The following TMEM38A variants were observed in gnomAD, a reference collection of about 807,000 sequenced individuals.
TMEM38A encodes transmembrane protein 38A, also known as trimeric intracellular cation channel type A.
Under a neutral mutation model 28.6 loss-of-function variants are expected in TMEM38A, and 17 were observed. The observed-to-expected ratio is 0.60, with a 90% confidence interval of 0.41 to 0.89. The LOEUF (loss-of-function observed/expected upper bound fraction) is 0.89, where lower values mean the gene tolerates loss of function less well. Among genes scored for constraint, TMEM38A ranks in the 40% least tolerant of loss-of-function variants. The probability of loss-of-function intolerance (pLI) is 0.00; values close to 1 mark genes in which losing one functional copy is unlikely to be tolerated. For missense variants in TMEM38A, 328 were observed against 393.1 expected (o/e 0.83, Z 1.40); for synonymous variants, 169 against 166.1 (o/e 1.02, Z -0.14).
Position 16,686,453 on chromosome 19 carries a change from C to T in TMEM38A, c.672+48C>T, listed in dbSNP as rs376207860. The stretch of plus-strand genomic sequence containing the variant: ...CATTCTTGCCTTGACCAATGCCACC[C>T]TGCCACCTCCAGGTTGGGAGTGGGG... On this transcript the variant is annotated intron_variant, in intron 5 of 5. Coordinates refer to ENST00000187762, the MANE Select transcript of TMEM38A (RefSeq NM_024074.4). 2.0e-6 allele frequency: 3 copies of T among 1,485,104 alleles called. No homozygotes were observed. The African/African-American group carries it at 4.1e-5, about 20-fold the overall frequency. The allele number at this position is 1,485,104 out of a possible 1,614,324, so 92.0% of individuals were successfully genotyped here. A position where few individuals can be genotyped will look rare whatever the true frequency, so the allele number is the denominator to read the frequency against.
intron 1 of TMEM38A, 132 bp from the exon 2 acceptor site, chr19:16,679,852 C>T: frequency 3.1e-6 from 3 of 960,326 alleles, no homozygotes; most frequent in Non-Finnish European, 4.4e-6. Flanking sequence ...ACCTTGGTTC[C>T]TCCTCTGAAA....
intron 1 of TMEM38A, among the ~76,000 whole-genome samples, chr19:16,663,396 A>G (rs768521489): frequency 6.6e-6 from 1 of 152,244 alleles, no homozygotes; most frequent in East Asian, 1.9e-4. Flanking sequence ...AAGGTTCAAG[A>G]TATTTCTGCA....
At chr19:16,674,207 A>G (rs112995507) in intron 1 of TMEM38A, among the ~76,000 whole-genome samples, 11 of 151,766 alleles carry the variant, frequency 7.2e-5, no homozygotes, top group African/African-American at 2.7e-4. Flanking sequence ...CAACTTGGAG[A>G]AACCCCCTGT....
At chr19:16,668,314 G>A (rs1396739339) in intron 1 of TMEM38A, among the ~76,000 whole-genome samples, 3 of 151,924 alleles carry the variant, frequency 2.0e-5, no homozygotes, top group Non-Finnish European at 2.9e-5. Context: ...GGACACCAAG[G>A]CAGGCAGATC....
At position 16,680,419 on chromosome 19, in the gene TMEM38A, CT is replaced by C; in HGVS notation, c.305del (p.Leu102ArgfsTer13). ...AVWYLIFFCP[L>X]DLFYKCVCFL... Reference sequence around the variant, plus strand: ...AAGGTACTTGATTTTCTTCTGCCCCCTGGACCTCTTCTACAAGTGTGTCTGC... The same window carrying C: ...AAGGTACTTGATTTTCTTCTGCCCCCGGACCTCTTCTACAAGTGTGTCTGC... On this transcript the variant is annotated frameshift_variant, in exon 3 of 6. Transcript: ENST00000187762. LOFTEE classifies it high-confidence loss of function. 1.2e-6 allele frequency: 2 copies of C among 1,614,170 alleles called. No homozygotes were observed. Among genetic ancestry groups the C allele is most frequent in the Non-Finnish European group, 1.7e-6 (2 of 1,180,028 alleles).
At chr19:16,674,659 C>T (rs763717665) in intron 1 of TMEM38A, among the ~76,000 whole-genome samples, 2 of 151,776 alleles carry the variant, frequency 1.3e-5, no homozygotes. Context: ...ATTAGCCGGG[C>T]GTGGTGGTCC....
intron 1 of TMEM38A, among the ~76,000 whole-genome samples, chr19:16,664,616 A>G (rs1457790329): frequency 1.3e-5 from 2 of 151,956 alleles, no homozygotes; most frequent in Admixed American, 6.6e-5. Flanking sequence ...ATAGCCAGGC[A>G]TGGTGGTGTG....
intron 1 of TMEM38A, among the ~76,000 whole-genome samples, chr19:16,671,689 G>A (rs1050764404): frequency 4.6e-5 from 7 of 151,790 alleles, no homozygotes; most frequent in East Asian, 1.9e-4. Flanking sequence ...CTTGGCCTCC[G>A]AAAGTGCTGG....
intron 1 of TMEM38A, among the ~76,000 whole-genome samples, chr19:16,662,007 C>G (rs2086684115): frequency 6.6e-6 from 1 of 152,126 alleles, no homozygotes; most frequent in Non-Finnish European, 1.5e-5. Context: ...CTCCAGACTC[C>G]ACGCTGGGGA....
chr19:16,667,536 A>G (rs573051663), intron 1 of TMEM38A, among the ~76,000 whole-genome samples: 1 of 152,176 alleles, frequency 6.6e-6, no homozygotes, highest in African/African-American at 2.4e-5. Context: ...ACTCACCTAC[A>G]CACCAGACTC....
intron 1 of TMEM38A, among the ~76,000 whole-genome samples, chr19:16,662,918 A>G (rs977907343): frequency 2.6e-5 from 4 of 152,178 alleles, no homozygotes; most frequent in African/African-American, 9.6e-5. Context: ...ACATGGGGCT[A>G]TCTTTCCTTT....
chr19:16,676,597 G>A (rs916380035), intron 1 of TMEM38A, among the ~76,000 whole-genome samples: 2 of 152,048 alleles, frequency 1.3e-5, no homozygotes, highest in Admixed American at 6.6e-5. Context: ...GGAGACACAA[G>A]TTCTAACTCC....
chr19:16,664,348 C>T (rs886522727), intron 1 of TMEM38A, among the ~76,000 whole-genome samples: 6 of 152,062 alleles, frequency 3.9e-5, no homozygotes, highest in Admixed American at 6.6e-5. Flanking sequence ...ATCCAGGAGA[C>T]GGAGGTTGCA....
chr19:16,668,573 C>T (rs1306805863), intron 1 of TMEM38A, among the ~76,000 whole-genome samples: 1 of 151,492 alleles, frequency 6.6e-6, no homozygotes, highest in African/African-American at 2.4e-5. Flanking sequence ...CTCCTGGGCT[C>T]AGGAGATCCA....
rs1323748640 is a variant in TMEM38A at position 16,688,596 on chromosome 19, T to C, written c.*225T>C. The C allele has an allele frequency of 1.0e-5, 4 of 381,622 alleles. No individual in the cohort carries two copies. Among genetic ancestry groups the C allele is most frequent in the African/African-American group, 2.1e-5 (1 of 48,222 alleles). 23.6% of individuals were successfully genotyped at this position (381,622 alleles called of 1,614,324 possible). A position where few individuals can be genotyped will look rare whatever the true frequency, so the allele number is the denominator to read the frequency against. On this transcript the variant is annotated 3_prime_UTR_variant, in exon 6 of 6. Transcript: ENST00000187762. The stretch of plus-strand genomic sequence containing the variant: ...CCTCTTTCTCTCTGCCAGGACCCCA[T>C]AGAGTCACAGCTTTTGGAGGGGTTC...
rs757975343 is a variant in TMEM38A at position 16,673,671 on chromosome 19, G to T, written c.125-6313G>T. On this transcript the variant is annotated intron_variant, in intron 1 of 5. Transcript: ENST00000187762. ...TTGTAGGAGAAACTCTGGCATTGAT[G>T]ATTATTTCCCCCTGTGAGGTTGACC... Among the ~76,000 whole-genome samples, 71 of 152,294 alleles carry T rather than the reference G, an allele frequency of 4.7e-4. 1 individual carries two copies. The highest frequency in any genetic ancestry group is 1.0e-3 in the South Asian group (5 of 4,830).
chr19:16,682,639 A>G (rs1360885132), intron 4 of TMEM38A, 131 bp downstream of exon 4: 2 of 766,312 alleles, frequency 2.6e-6, no homozygotes, highest in Admixed American at 2.2e-5. Flanking sequence ...TTCAGAGGCT[A>G]TGACTGGGGA....
At chr19:16,665,482 C>A (rs2086699054) in intron 1 of TMEM38A, among the ~76,000 whole-genome samples, 1 of 150,180 alleles carries the variant, frequency 6.7e-6, no homozygotes, top group African/African-American at 2.5e-5. Context: ...AGAGTGAGAC[C>A]CTGTCTCAAA....
At chr19:16,671,223 T>TTTTTTTTTTTTTTTTTGG (rs2086726256) in intron 1 of TMEM38A, among the ~76,000 whole-genome samples, 2 of 122,630 alleles carry the variant, frequency 1.6e-5, no homozygotes, top group Non-Finnish European at 1.7e-5. Flanking sequence ...TTTTTTTTTT[T>TTTTTTTTTTTTTTTTTGG]GAGGCGGAGT....
Sources: gnomAD v4.1 joint callset for allele counts (sites outside exome capture counted in the v4.1 genomes callset) on GRCh38, gnomAD v4.1.1 for gene constraint, MANE v1.5 for transcripts, NCBI Gene and HGNC (gene_info 2026-07-23, HGNC 2026-07-21) for gene names.